Variants in KATNB1 observed in about 807,000 individuals in gnomAD.
KATNB1 encodes the protein katanin p80 WD40 repeat-containing subunit B1.
Under a neutral mutation model 82.3 loss-of-function variants are expected in KATNB1, and 38 were observed. That is an observed-to-expected ratio of 0.46 (90% CI 0.36 to 0.61). The LOEUF is 0.61. KATNB1 is among the 20% of genes least tolerant of loss of function. The pLI is 0.00. For synonymous variants in KATNB1, 361 were observed against 368.7 expected (o/e 0.98, Z 0.24); for missense variants, 749 against 915.7 (o/e 0.82, Z 2.35).
In KATNB1 at chr16:57,751,415, A is replaced by T; in HGVS notation, c.432+113A>T. On this transcript the variant is annotated intron_variant, in intron 6 of 19. Coordinates refer to ENST00000379661, the MANE Select transcript of KATNB1 (RefSeq NM_005886.3). This position sits in a 1 kb window ranked among gnomAD's most constrained non-coding sequence, Gnocchi z 6.3. ...GGACGGCTGTCCCACATGGGTGATA[A>T]CATAAAACATAGACCTGGAGCTGAG... is the stretch of plus-strand genomic sequence containing the variant. 1 of 1,141,068 alleles carries T rather than the reference A, an allele frequency of 8.8e-7. No individual in the cohort carries two copies. Among genetic ancestry groups the T allele is most frequent in the Non-Finnish European group, 1.3e-6 (1 of 757,122 alleles). The allele number at this position is 1,141,068 out of a possible 1,614,324, so 70.7% of individuals were successfully genotyped here. A position where few individuals can be genotyped will look rare whatever the true frequency, so the allele number is the denominator to read the frequency against.
chr16:57,741,742 C>T lies in KATNB1; in HGVS notation c.96C>T (p.Ser32=), dbSNP rs782642444. 24 of 1,614,164 alleles carry T rather than the reference C, an allele frequency of 1.5e-5. No individual in the cohort carries two copies. Among genetic ancestry groups the T allele is most frequent in the East Asian group, 2.2e-5 (1 of 44,890 alleles). Residue 32 remains serine (S), a synonymous_variant, in exon 3 of 20, where the codon TCC becomes TCT. Transcript: ENST00000379661. ...NVSSLVLGKA[S]GRLLATGGDD... is the part of the protein sequence containing the mutation. The stretch of plus-strand genomic sequence containing the variant: ...CCTCACTGGTGCTGGGCAAAGCCTC[C>T]GGGCGGCTGCTGGCTACAGGCGGGG...
chr16:57,751,064 C>G lies in KATNB1; in HGVS notation c.390+137C>G, dbSNP rs925878124. 1 of 846,900 alleles carries G rather than the reference C, an allele frequency of 1.2e-6. No individual in the cohort carries two copies. The highest frequency in any genetic ancestry group is 1.5e-5 in the South Asian group (1 of 67,638). 52.5% of individuals were successfully genotyped at this position (846,900 alleles called of 1,614,324 possible). ...CACATCCACACCATCCTAGGGAAAG[C>G]GGGTGGCAGGCATCTATCTGCCAGA... On this transcript the variant is annotated intron_variant, in intron 5 of 19. Transcript: ENST00000379661. This position sits in a 1 kb window ranked among gnomAD's most constrained non-coding sequence, Gnocchi z 6.3.
At chr16:57,750,971 G>A (rs1555582898) in intron 5 of KATNB1, 44 bp downstream of exon 5, 4 of 1,507,728 alleles carry the variant, frequency 2.7e-6, no homozygotes, top group South Asian at 1.1e-5. Context: ...TGGGCCTGTG[G>A]CAGGACCAGC....
intron 16 of KATNB1, 93 bp downstream of exon 16, chr16:57,755,587 C>T: frequency 1.3e-6 from 2 of 1,501,202 alleles, no homozygotes; most frequent in East Asian, 2.3e-5. Context: ...AGAGGCCACC[C>T]ATGGGGGACA....
At chr16:57,753,671 C>A in intron 12 of KATNB1, 152 bp downstream of exon 12, 1 of 1,125,640 alleles carries the variant, frequency 8.9e-7, no homozygotes, top group Non-Finnish European at 1.3e-6. Context: ...GTTCCCTGGG[C>A]CTTGCCAGGC....
chr16:57,752,749 G>C, intron 9 of KATNB1, 29 bp from the exon 10 acceptor site: 1 of 1,603,430 alleles, frequency 6.2e-7, no homozygotes, highest in Non-Finnish European at 8.5e-7. Flanking sequence ...GGTGCCACAG[G>C]ACCCACGGCC....
At position 57,753,288 on chromosome 16, in the gene KATNB1, C is replaced by T. The variant is rs782069793; in HGVS notation, c.1046+21C>T. 4.9e-5 allele frequency: 78 copies of T among 1,583,796 alleles called. No individual in the cohort carries two copies. In the South Asian group the frequency reaches 5.7e-4, roughly 12 times the overall value. On this transcript the variant is annotated intron_variant, in intron 11 of 19. Transcript: ENST00000379661. ...CAGAGGTGAGGGCCTGGGGGGCCTT[C>T]GGGGGCCCAGGAGAGGGACTGTCAC...
At position 57,757,174 on chromosome 16, in the gene KATNB1, G is replaced by C; in HGVS notation, c.*228G>C. ...CAGCTTTGCCCAACTGTTGCTTCTTGGGGCAGCGAACTGAGCCCTGGGGCT... is the reference window on the plus strand; with the variant it reads ...CAGCTTTGCCCAACTGTTGCTTCTTCGGGCAGCGAACTGAGCCCTGGGGCT... On this transcript the variant is annotated 3_prime_UTR_variant, in exon 20 of 20. Transcript: ENST00000379661. 2.4e-6 allele frequency: 1 copy of C among 412,440 alleles called. No homozygotes were observed. Among genetic ancestry groups the C allele is most frequent in the Non-Finnish European group, 4.2e-6 (1 of 239,058 alleles). 25.5% of individuals were successfully genotyped at this position (412,440 alleles called of 1,614,324 possible). A position where few individuals can be genotyped will look rare whatever the true frequency, so the allele number is the denominator to read the frequency against.
intron 1 of KATNB1, chr16:57,736,258 C>CT (rs1211980241): frequency 3.9e-5 from 6 of 152,162 alleles, no homozygotes; most frequent in African/African-American, 9.7e-5. Context: ...AAGTGGGAGA[C>CT]TCAGGGGGCA....
At chr16:57,740,330 G>A (rs950499724) in intron 2 of KATNB1, among the ~76,000 whole-genome samples, 7 of 152,188 alleles carry the variant, frequency 4.6e-5, no homozygotes, top group African/African-American at 1.2e-4. Context: ...TTCAGCCTGC[G>A]ACTTGTCCCC....
chr16:57,745,995 T>C (rs2049181678), intron 4 of KATNB1, among the ~76,000 whole-genome samples: 1 of 152,178 alleles, frequency 6.6e-6, no homozygotes, highest in African/African-American at 2.4e-5. Flanking sequence ...TCTGGGGAAT[T>C]CTCTCCATCT....
At chr16:57,752,335 T>C (rs1321466335) in intron 8 of KATNB1, 195 bp from the exon 9 acceptor site, 5 of 640,836 alleles carry the variant, frequency 7.8e-6, no homozygotes, top group Non-Finnish European at 1.4e-5. Context: ...CTCGTGGCTG[T>C]TGGGGCCAAC....
chr16:57,753,598 T>A (rs1446630667), intron 12 of KATNB1, 79 bp downstream of exon 12: 1 of 1,555,844 alleles, frequency 6.4e-7, no homozygotes, highest in African/African-American at 1.4e-5. Context: ...GGTAGCCTGC[T>A]GTGGCTCCGC....
chr16:57,752,337 G>A, intron 8 of KATNB1, 193 bp from the exon 9 acceptor site: 1 of 643,376 alleles, frequency 1.6e-6, no homozygotes, highest in Non-Finnish European at 2.7e-6. Context: ...CGTGGCTGTT[G>A]GGGCCAACCC....
At chr16:57,742,429 G>T (rs2049150362) in intron 3 of KATNB1, among the ~76,000 whole-genome samples, 1 of 152,250 alleles carries the variant, frequency 6.6e-6, no homozygotes, top group Non-Finnish European at 1.5e-5. Flanking sequence ...ACCACAGTTG[G>T]TGTTTTGGTG....
rs782353858 is a variant in KATNB1, at chr16:57,753,138, C to G, written c.917C>G (p.Thr306Ser). The G allele has an allele frequency of 2.5e-6, 4 of 1,611,586 alleles. No individual in the cohort carries two copies. The highest frequency in any genetic ancestry group is 3.4e-6 in the Non-Finnish European group (4 of 1,179,620). ...TACGTGGTGGATCTGACGCGTGTCA[C>G]CAGGACTGGCACGGTGGCCCGGGAC... ...SSYVVDLTRVTRTGTVARDPV... is the reference protein window; with the variant it reads ...SSYVVDLTRVSRTGTVARDPV... The change falls in exon 11 of 20, where the codon ACC (threonine) becomes AGC (serine). Residue 306 changes from threonine to serine, a missense_variant. Around this residue, in one of 3 missense-constraint regions of KATNB1, gnomAD observed 407 missense variants for 434.7 expected, o/e 0.94. Transcript: ENST00000379661.
At position 57,751,055 on chromosome 16, in the gene KATNB1, T is replaced by C. The variant is rs1328638775; in HGVS notation, c.390+128T>C. On this transcript the variant is annotated intron_variant, in intron 5 of 19. Coordinates refer to ENST00000379661, the MANE Select transcript of KATNB1 (RefSeq NM_005886.3). This position sits in a 1 kb window ranked among gnomAD's most constrained non-coding sequence, Gnocchi z 6.3. ...TTCTGCAGCCACATCCACACCATCC[T>C]AGGGAAAGCGGGTGGCAGGCATCTA... 3 of 875,260 alleles carry C rather than the reference T, an allele frequency of 3.4e-6. No homozygotes were observed. The highest frequency in any genetic ancestry group is 5.6e-6 in the Non-Finnish European group (3 of 536,226). 54.2% of individuals were successfully genotyped at this position (875,260 alleles called of 1,614,324 possible).
At chr16:57,738,448 G>T (rs1415827745) in intron 2 of KATNB1, among the ~76,000 whole-genome samples, 1 of 151,888 alleles carries the variant, frequency 6.6e-6, no homozygotes, top group Non-Finnish European at 1.5e-5. Flanking sequence ...TAGAGACGGG[G>T]TTTCACCATG....
chr16:57,744,776 C>CGT lies in KATNB1; in HGVS notation c.289+290_289+291dup, dbSNP rs60853487. Among the ~76,000 whole-genome samples, 1,325 of 149,502 alleles carry CGT rather than the reference C, an allele frequency of 8.9e-3. 23 individuals carry two copies. The highest frequency in any genetic ancestry group is 0.032 in the Admixed American group (490 of 15,086). ...GTTTGGATGTGTGTGTCTGCGGGCA[C>CGT]GTGTGTGTGTGTGTGTGTGTGTGTG... On this transcript the variant is annotated intron_variant, in intron 4 of 19. Transcript: ENST00000379661.
Sources: gnomAD v4.1 joint callset for allele counts (sites outside exome capture counted in the v4.1 genomes callset) on GRCh38, gnomAD v4.1.1 for gene constraint, gnomAD v4.1.1 regional missense constraint, Gnocchi (gnomAD v3.1) non-coding constraint, MANE v1.5 for transcripts, NCBI Gene and HGNC (gene_info 2026-07-23, HGNC 2026-07-21) for gene names.